PROX1: variants seen among roughly 807,000 people sequenced by gnomAD.
PROX1 encodes the protein prospero homeobox protein 1.
In PROX1, 7 loss-of-function variants were observed where a neutral mutation model predicts 58.8. The ratio of observed to expected loss-of-function variants is 0.12; its 90% CI spans 0.07 to 0.22. The LOEUF (loss-of-function observed/expected upper bound fraction) is 0.22, where lower values mean the gene tolerates loss of function less well. Among genes scored for constraint, PROX1 ranks in the 10% least tolerant of loss-of-function variants. The pLI, the probability that PROX1 is intolerant of heterozygous loss-of-function variation, is 1.00. For synonymous variants in PROX1, 350 were observed against 358.3 expected, an observed-to-expected ratio of 0.98 and a Z score of 0.26; for missense variants, 675 against 927.8, an observed-to-expected ratio of 0.73 and a Z score of 3.54.
At position 214,027,861 on chromosome 1, in the gene PROX1, T is replaced by A. The variant is rs1664512413; in HGVS notation, c.2029-7788T>A. Among the ~76,000 whole-genome samples, 4 of 151,772 alleles carry A rather than the reference T, an allele frequency of 2.6e-5. No individual in the cohort carries two copies. The South Asian group carries it at 8.3e-4, about 32-fold the overall frequency. On this transcript the variant is annotated intron_variant, in intron 4 of 4. Transcript: ENST00000366958. ...AACATTGTTCTTTCGAAGCTTTATA[T>A]ATATATATATATAAAAGAGATACAG...
intron 3 of PROX1, among the ~76,000 whole-genome samples, chr1:214,009,667 G>A (rs953418401): frequency 6.6e-6 from 1 of 151,876 alleles, no homozygotes; most frequent in South Asian, 2.1e-4. Flanking sequence ...TGTCCCATTC[G>A]TAAATAATGG....
chr1:213,990,149 A>T (rs1297419485), intron 1 of PROX1, among the ~76,000 whole-genome samples: 2 of 138,948 alleles, frequency 1.4e-5, no homozygotes, highest in South Asian at 4.9e-4. Context: ...AAAAAAAAAA[A>T]AGAAAGAAAA....
chr1:213,991,969 G>A (rs533091000), intron 1 of PROX1, among the ~76,000 whole-genome samples: 2 of 152,240 alleles, frequency 1.3e-5, no homozygotes, highest in South Asian at 2.1e-4. Flanking sequence ...ATATACATAA[G>A]GAATTTCTCA....
chr1:214,021,068 A>G (rs1001115055), intron 4 of PROX1, among the ~76,000 whole-genome samples: 10 of 152,280 alleles, frequency 6.6e-5, no homozygotes, highest in African/African-American at 2.4e-4. Context: ...GGGCTCCCCA[A>G]CCCATTGTCA....
At position 214,039,651 on chromosome 1, in the gene PROX1, C is replaced by T. The variant is rs1388334917; in HGVS notation, c.*3817C>T. ...GTTGAAAGCATTCTTGAAAATCCTGCTCTCTCCTTTTAAAAGTTAACAATC... is the reference window on the plus strand; with the variant it reads ...GTTGAAAGCATTCTTGAAAATCCTGTTCTCTCCTTTTAAAAGTTAACAATC... On this transcript the variant is annotated 3_prime_UTR_variant, in exon 5 of 5. Coordinates refer to ENST00000366958, the MANE Select transcript of PROX1 (RefSeq NM_001270616.2). The T allele has an allele frequency of 2.0e-5, 3 of 152,188 alleles. No homozygotes were observed. Among genetic ancestry groups the T allele is most frequent in the Admixed American group, 6.5e-5 (1 of 15,280 alleles). The allele number at this position is 152,188 out of a possible 1,614,324, so 9.4% of individuals were successfully genotyped here.
chr1:214,026,305 C>T (rs945713379), intron 4 of PROX1, among the ~76,000 whole-genome samples: 21 of 152,230 alleles, frequency 1.4e-4, no homozygotes, highest in African/African-American at 4.8e-4. Context: ...AATAAACTAG[C>T]CACTTAAAGC....
At chr1:214,000,043 TAC>T (rs10536742) in intron 2 of PROX1, among the ~76,000 whole-genome samples, 13,877 of 148,674 alleles carry the variant, frequency 0.093, 1,031 homozygotes, top group East Asian at 0.21. Context: ...CTCTCTCTCT[TAC>T]ACACACACAC....
intron 4 of PROX1, chr1:214,028,943 A>G (rs931087357): frequency 8.5e-5 from 13 of 152,212 alleles, no homozygotes; most frequent in Non-Finnish European, 1.9e-4. Flanking sequence ...GAAGAGGAGC[A>G]GCAATAACGT....
chr1:213,999,275 T>C (rs1006567460), intron 2 of PROX1, among the ~76,000 whole-genome samples: 1 of 152,184 alleles, frequency 6.6e-6, no homozygotes, highest in African/African-American at 2.4e-5. Context: ...TGGTCGTTGG[T>C]CTTTTGGGAG....
intron 1 of PROX1, among the ~76,000 whole-genome samples, chr1:213,990,008 GAGA>G (rs1662965049): frequency 6.6e-6 from 1 of 151,836 alleles, no homozygotes; most frequent in African/African-American, 2.4e-5. Flanking sequence ...TTATTTTTCC[GAGA>G]AGATCTGTGC....
intron 3 of PROX1, among the ~76,000 whole-genome samples, chr1:214,007,904 A>G (rs1346461965): frequency 6.6e-6 from 1 of 152,240 alleles, no homozygotes; most frequent in Non-Finnish European, 1.5e-5. Flanking sequence ...TGCATCATTT[A>G]TCTGGAACAA....
rs1558194267 is a variant in PROX1 at position 214,039,832 on chromosome 1, A to AC, written c.*3998_*3999insC. ...ACACACACACACACACACACACACA[A>AC]ACACACACACTGTCATAAAGCTAAT... On this transcript the variant is annotated 3_prime_UTR_variant, in exon 5 of 5. Coordinates refer to ENST00000366958, the MANE Select transcript of PROX1 (RefSeq NM_001270616.2). 4,180 of 134,438 alleles carry AC rather than the reference A, an allele frequency of 0.031. 120 individuals carry two copies. The highest frequency in any genetic ancestry group is 0.097 in the Admixed American group (1,382 of 14,276). 8.3% of individuals were successfully genotyped at this position (134,438 alleles called of 1,614,324 possible).
At chr1:214,026,778 T>C (rs1664471410) in intron 4 of PROX1, among the ~76,000 whole-genome samples, 1 of 152,116 alleles carries the variant, frequency 6.6e-6, no homozygotes, top group African/African-American at 2.4e-5. Context: ...GTCAGAGAAG[T>C]CTGTGTGAGG....
At chr1:214,028,750 T>C (rs1398463987) in intron 4 of PROX1, 1 of 152,260 alleles carries the variant, frequency 6.6e-6, no homozygotes, top group African/African-American at 2.4e-5. Context: ...TCACTGTGTA[T>C]AGCATCCTGC....
Position 214,031,066 on chromosome 1 carries a change from T to TGTGTGTGTGCGC in PROX1, c.2029-4582_2029-4581insTGTGTGTGCGCG, listed in dbSNP as rs1231686198. On this transcript the variant is annotated intron_variant, in intron 4 of 4. Transcript: ENST00000366958. The stretch of plus-strand genomic sequence containing the variant: ...GTGTGTGTGTGTGTGTGTGTGTGTG[T>TGTGTGTGTGCGC]GCGCGCGCGCGCATTCGCGCACGCA... 1.8e-3 allele frequency among the ~76,000 whole-genome samples: 169 copies of TGTGTGTGTGCGC among 95,122 alleles called. 1 individual carries two copies. Among genetic ancestry groups the TGTGTGTGTGCGC allele is most frequent in the Admixed American group, 2.8e-3 (25 of 8,936 alleles). The allele number at this position is 95,122 out of a possible 152,430, so 62.4% of individuals were successfully genotyped here.
intron 1 of PROX1, 129 bp from the exon 2 acceptor site, chr1:213,996,340 A>G (rs1663262403): frequency 3.5e-6 from 2 of 567,778 alleles, no homozygotes; most frequent in Admixed American, 6.5e-5. Flanking sequence ...TGCATAATAA[A>G]TTGCAATAAT....
intron 4 of PROX1, among the ~76,000 whole-genome samples, chr1:214,015,292 G>GTAATAA (rs1413377493): frequency 6.6e-6 from 1 of 152,134 alleles, no homozygotes; most frequent in East Asian, 1.9e-4. Flanking sequence ...AGAGGGGTGT[G>GTAATAA]TAATTATGTG....
intron 3 of PROX1, 102 bp downstream of exon 3, chr1:214,005,374 C>T: frequency 1.2e-6 from 1 of 868,882 alleles, no homozygotes; most frequent in Non-Finnish European, 1.8e-6. Context: ...TGGTTTATTC[C>T]TACACCTGTG....
intron 4 of PROX1, among the ~76,000 whole-genome samples, chr1:214,021,489 T>A (rs912385952): frequency 3.9e-5 from 6 of 152,252 alleles, no homozygotes; most frequent in Non-Finnish European, 7.3e-5. Flanking sequence ...CTAATCCTTT[T>A]TAAAAGCCTA....
Sources: allele counts gnomAD v4.1 joint callset (sites outside exome capture counted in the v4.1 genomes callset), GRCh38; gene constraint gnomAD v4.1.1; transcripts MANE v1.5; gene names NCBI Gene and HGNC (gene_info 2026-07-23, HGNC 2026-07-21).